The following TTLL12 variants were observed in gnomAD, a reference collection of about 807,000 sequenced individuals.
TTLL12 encodes tubulin tyrosine ligase like 12, also known as tubulin--tyrosine ligase-like protein 12.
TTLL12 carries 77 observed loss-of-function variants against 79.6 expected under a neutral mutation model. The observed-to-expected ratio is 0.97, with a 90% CI of 0.81 to 1.17. TTLL12 has a LOEUF of 1.17. Ranked by LOEUF, TTLL12 falls within the 50% of genes most tolerant of loss-of-function variation. TTLL12 has a pLI of 0.00. For synonymous variants in TTLL12, 437 were observed against 376.1 expected (o/e 1.16, Z -1.87); for missense variants, 969 against 895.9 (o/e 1.08, Z -1.04).
intron 2 of TTLL12, among the ~76,000 whole-genome samples, chr22:43,182,729 C>T (rs1932088398): frequency 6.6e-6 from 1 of 152,184 alleles, no homozygotes; most frequent in Admixed American, 6.5e-5. Context: ...TGTAGCAGGA[C>T]CACTGTGACA....
intron 2 of TTLL12, 46 bp from the exon 3 acceptor site, chr22:43,180,986 C>T: frequency 6.3e-7 from 1 of 1,582,952 alleles, no homozygotes; most frequent in Non-Finnish European, 8.6e-7. Flanking sequence ...GGGCATGGGG[C>T]AAAGGGAAGT....
At chr22:43,171,740 G>A in intron 11 of TTLL12, 79 bp downstream of exon 11, 1 of 1,250,096 alleles carries the variant, frequency 8.0e-7, no homozygotes, top group Admixed American at 1.7e-5. Flanking sequence ...AGTCCTCCTA[G>A]GAGGCAGTGT....
chr22:43,174,493 C>T lies in TTLL12; in HGVS notation c.1034+6G>A, dbSNP rs765630625. On this transcript the variant is annotated splice_donor_region_variant and intron_variant, in intron 7 of 13. Coordinates refer to ENST00000216129, the MANE Select transcript of TTLL12 (RefSeq NM_015140.4). ...GGAGGGCCCCTGCGGCCAGAGGTGC[C>T]CTCACCTGTAGTCCTTGAAGTGTGA... 6.2e-7 allele frequency: 1 copy of T among 1,601,664 alleles called. No individual in the cohort carries two copies. The highest frequency in any genetic ancestry group is 1.1e-5 in the South Asian group (1 of 90,314).
At chr22:43,184,554 A>G (rs1932134164) in intron 1 of TTLL12, among the ~76,000 whole-genome samples, 1 of 152,258 alleles carries the variant, frequency 6.6e-6, no homozygotes, top group African/African-American at 2.4e-5. Flanking sequence ...GGAGGCAGAT[A>G]GCCCAGGGTG....
At position 43,167,418 on chromosome 22, in the gene TTLL12, G is replaced by T; in HGVS notation, c.*590C>A. 3.4e-6 allele frequency: 1 copy of T among 296,968 alleles called. No individual in the cohort carries two copies. The highest frequency in any genetic ancestry group is 6.7e-6 in the Non-Finnish European group (1 of 148,992). The allele number at this position is 296,968 out of a possible 1,614,324, so 18.4% of individuals were successfully genotyped here. A position where few individuals can be genotyped will look rare whatever the true frequency, so the allele number is the denominator to read the frequency against. On this transcript the variant is annotated 3_prime_UTR_variant, in exon 14 of 14. Coordinates refer to ENST00000216129, the MANE Select transcript of TTLL12 (RefSeq NM_015140.4). ...GAAGGTTCTGGGTGAGCTGGAATGG[G>T]TGATAAGGCGGGCTTGCTGGGTGGT...
At position 43,168,115 on chromosome 22, in the gene TTLL12, G is replaced by A. The variant is rs765615882; in HGVS notation, c.1828C>T (p.Pro610Ser). Residue 610 changes from proline to serine, a missense_variant, in exon 14 of 14, where the codon CCC becomes TCC. Pro to Ser is a moderately conservative substitution (Grantham distance 74, BLOSUM62 -1). Transcript: ENST00000216129. ...QPQILEVNFNPDCERACRYHP... is the reference protein window; with the variant it reads ...QPQILEVNFNSDCERACRYHP... The stretch of plus-strand genomic sequence containing the variant: ...TACCTGCAGGCTCGCTCACAGTCGG[G>A]GTTGAAGTTCACCTCCAGGATCTGC... 6.2e-6 allele frequency: 10 copies of A among 1,614,180 alleles called. No homozygotes were observed. Among genetic ancestry groups the A allele is most frequent in the Non-Finnish European group, 6.8e-6 (8 of 1,180,014 alleles).
At position 43,168,912 on chromosome 22, in the gene TTLL12, C is replaced by G; in HGVS notation, c.1645G>C (p.Ala549Pro). 1 of 1,609,000 alleles carries G rather than the reference C, an allele frequency of 6.2e-7. No individual in the cohort carries two copies. The highest frequency in any genetic ancestry group is 2.2e-5 in the East Asian group (1 of 44,728). Residue 549 changes from alanine to proline, a missense_variant and splice_region_variant, in exon 13 of 14, where the codon GCT (alanine) becomes CCT (proline). By Grantham distance (27) the Ala-to-Pro change is conservative (BLOSUM62 -1). Transcript: ENST00000216129. ...TCCGTGAAGGCCCGGAAGATCTCAGCCTGGGGACCGGGGAGCCTGAGTTAC... is the reference window on the plus strand; with the variant it reads ...TCCGTGAAGGCCCGGAAGATCTCAGGCTGGGGACCGGGGAGCCTGAGTTAC... ...YPEFPWTDVQ[A>P]EIFRAFTELF...
chr22:43,180,777 A>C lies in TTLL12; in HGVS notation c.511T>G (p.Trp171Gly). The change falls in exon 3 of 14, where the codon TGG becomes GGG. Residue 171 changes from tryptophan to glycine, a missense_variant. Trp to Gly is a radical substitution (Grantham distance 184). Coordinates refer to ENST00000216129, the MANE Select transcript of TTLL12 (RefSeq NM_015140.4). ...AGCTGGTAGGTCTGGTTGAACTTCC[A>C]CATCTCCTCCAGCACCAGGGCCACA... Reference protein sequence around the residue: ...EAVALVLEEMWKFNQTYQLAH... With the variant: ...EAVALVLEEMGKFNQTYQLAH... 6.2e-7 allele frequency: 1 copy of C among 1,613,080 alleles called. No homozygotes were observed. Among genetic ancestry groups the C allele is most frequent in the South Asian group, 1.1e-5 (1 of 91,080 alleles).
chr22:43,170,054 A>C (rs1431678921), intron 11 of TTLL12: 3 of 360,240 alleles, frequency 8.3e-6, no homozygotes, highest in Non-Finnish European at 1.6e-5. Flanking sequence ...TCAAGACTTT[A>C]CCCAAAACAC....
intron 1 of TTLL12, among the ~76,000 whole-genome samples, chr22:43,183,678 G>A (rs949909763): frequency 1.3e-5 from 2 of 152,244 alleles, no homozygotes; most frequent in African/African-American, 4.8e-5. Context: ...CCAACAGGAA[G>A]CGAGGCCCCA....
chr22:43,176,097 A>G (rs1476378941), intron 6 of TTLL12, among the ~76,000 whole-genome samples: 5 of 151,164 alleles, frequency 3.3e-5, no homozygotes, highest in African/African-American at 1.2e-4. Context: ...AAAAAAAAAA[A>G]TCTCCAGAAA....
At chr22:43,181,091 C>G in intron 2 of TTLL12, 151 bp from the exon 3 acceptor site, 1 of 861,862 alleles carries the variant, frequency 1.2e-6, no homozygotes, top group Non-Finnish European at 1.7e-6. Flanking sequence ...TAGTTTTGGA[C>G]TCCAGTGGGC....
At chr22:43,174,671 C>G in intron 6 of TTLL12, 56 bp from the exon 7 acceptor site, 1 of 1,274,526 alleles carries the variant, frequency 7.8e-7, no homozygotes, top group Non-Finnish European at 1.1e-6. Context: ...AAGCGGGACT[C>G]CAGCACTAGC....
In TTLL12 at chr22:43,176,022, T is replaced by C. The variant is rs532840176; in HGVS notation, c.917+298A>G. On this transcript the variant is annotated intron_variant, in intron 6 of 13. Transcript: ENST00000216129. ...AGGTGTGAAACCTGGGAGGTGGAGG[T>C]TGCAGTGAGCTTAGATCGTGCCACT... is the stretch of plus-strand genomic sequence containing the variant. Among the ~76,000 whole-genome samples, 5 of 150,434 alleles carry C rather than the reference T, an allele frequency of 3.3e-5. No homozygotes were observed. The South Asian group carries it at 1.1e-3, about 32-fold the overall frequency.
Position 43,168,113 on chromosome 22 carries a change from G to A in TTLL12, c.1830C>T (p.Pro610=), listed in dbSNP as rs762399120. 1.4e-5 allele frequency: 23 copies of A among 1,614,044 alleles called. No homozygotes were observed. The highest frequency in any genetic ancestry group is 6.6e-5 in the South Asian group (6 of 91,092). ...GGTACCTGCAGGCTCGCTCACAGTC[G>A]GGGTTGAAGTTCACCTCCAGGATCT... ...QPQILEVNFN[P]DCERACRYHP... Residue 610 remains proline, a synonymous_variant, in exon 14 of 14, where the codon CCC becomes CCT. Transcript: ENST00000216129.
chr22:43,171,117 T>C (rs1390098492), intron 11 of TTLL12, among the ~76,000 whole-genome samples: 1 of 151,874 alleles, frequency 6.6e-6, no homozygotes, highest in Non-Finnish European at 1.5e-5. Flanking sequence ...GTAGGTGTTC[T>C]GTGCATCTGA....
Position 43,167,932 on chromosome 22 carries a change from G to A in TTLL12, c.*76C>T, listed in dbSNP as rs1601764881. 15 of 1,550,986 alleles carry A rather than the reference G, an allele frequency of 9.7e-6. No homozygotes were observed. The South Asian group carries it at 1.8e-4, about 19-fold the overall frequency. On this transcript the variant is annotated 3_prime_UTR_variant, in exon 14 of 14. Transcript: ENST00000216129. ...AGGGCCGGTGTGGGGAGGGACATGG[G>A]GGCCTTTGCAGAAGCAGCTCAGAGA...
intron 10 of TTLL12, 23 bp from the exon 11 acceptor site, chr22:43,171,923 C>T (rs555427078): frequency 6.2e-7 from 1 of 1,610,074 alleles, no homozygotes; most frequent in Non-Finnish European, 8.5e-7. Context: ...TGTGCAGACA[C>T]ATATGGGTTC....
In TTLL12 at chr22:43,167,918, G is replaced by A. The variant is rs529948610; in HGVS notation, c.*90C>T. On this transcript the variant is annotated 3_prime_UTR_variant, in exon 14 of 14. Coordinates refer to ENST00000216129, the MANE Select transcript of TTLL12 (RefSeq NM_015140.4). ...CTGAGGCTATGCCCAGGGCCGGTGT[G>A]GGGAGGGACATGGGGGCCTTTGCAG... 5.0e-5 allele frequency: 75 copies of A among 1,507,666 alleles called. No homozygotes were observed. The Middle Eastern group carries it at 1.7e-3, about 33-fold the overall frequency. 93.4% of individuals were successfully genotyped at this position (1,507,666 alleles called of 1,614,324 possible). A position where few individuals can be genotyped will look rare whatever the true frequency, so the allele number is the denominator to read the frequency against.
Sources: allele counts gnomAD v4.1 joint callset (sites outside exome capture counted in the v4.1 genomes callset), GRCh38; gene constraint gnomAD v4.1.1; transcripts MANE v1.5; gene names NCBI Gene and HGNC (gene_info 2026-07-23, HGNC 2026-07-21).